Variants in ZNF143 observed in about 807,000 individuals in gnomAD.
ZNF143 encodes zinc finger protein 143.
Under a neutral mutation model 74.1 loss-of-function variants are expected in ZNF143, and 49 were observed. The observed-to-expected ratio is 0.66, with a 90% CI of 0.53 to 0.84. The LOEUF is 0.84. Among genes scored for constraint, ZNF143 ranks in the 40% least tolerant of loss-of-function variants. The pLI is 0.00. For missense variants in ZNF143, 637 were observed against 793.4 expected, an observed-to-expected ratio of 0.80 and a Z score of 2.37; for synonymous variants, 304 against 282.8, an observed-to-expected ratio of 1.07 and a Z score of -0.75.
chr11:9,461,120 G>A, intron 1 of ZNF143, 44 bp downstream of exon 1: 1 of 981,222 alleles, frequency 1.0e-6, no homozygotes, highest in Non-Finnish European at 1.2e-6. Flanking sequence ...ATTATTCTCC[G>A]CCTGGCCGCC....
chr11:9,468,860 A>G (rs1856400811), intron 1 of ZNF143, among the ~76,000 whole-genome samples: 1 of 152,034 alleles, frequency 6.6e-6, no homozygotes, highest in Non-Finnish European at 1.5e-5. Flanking sequence ...TTTTCTGGGC[A>G]CGGTGGCTCA....
chr11:9,496,523 G>A (rs571023741), intron 9 of ZNF143, 145 bp downstream of exon 9: 16 of 677,984 alleles, frequency 2.4e-5, no homozygotes, highest in East Asian at 1.4e-4. Flanking sequence ...ACTGCCTTTC[G>A]TCCTGCTTGC....
At chr11:9,490,940 C>G (rs980996754) in intron 7 of ZNF143, among the ~76,000 whole-genome samples, 1 of 152,148 alleles carries the variant, frequency 6.6e-6, no homozygotes, top group Admixed American at 6.5e-5. Context: ...CCCATGTTTC[C>G]CATGCTGGTC....
At chr11:9,466,238 C>T (rs1037644078) in intron 1 of ZNF143, among the ~76,000 whole-genome samples, 2 of 151,700 alleles carry the variant, frequency 1.3e-5, no homozygotes, top group African/African-American at 4.8e-5. Flanking sequence ...CCATCTCAGC[C>T]TCCCAGAGTG....
chr11:9,502,182 C>T (rs1287799304), intron 11 of ZNF143, among the ~76,000 whole-genome samples: 10 of 147,626 alleles, frequency 6.8e-5, no homozygotes, highest in African/African-American at 9.9e-5. Context: ...GTGATCTGCC[C>T]GCCTCGGCCT....
intron 7 of ZNF143, among the ~76,000 whole-genome samples, chr11:9,486,171 T>A (rs945921558): frequency 2.0e-5 from 3 of 147,520 alleles, no homozygotes; most frequent in African/African-American, 7.7e-5. Flanking sequence ...AATTAGACAG[T>A]GTACGTAAAG....
At chr11:9,520,926 A>AT (rs1848902795) in intron 14 of ZNF143, among the ~76,000 whole-genome samples, 1 of 152,252 alleles carries the variant, frequency 6.6e-6, no homozygotes, top group Non-Finnish European at 1.5e-5. Context: ...AAAAGCTAAT[A>AT]TATCACTTGG....
chr11:9,485,611 A>G (rs1847442541), intron 7 of ZNF143, among the ~76,000 whole-genome samples: 1 of 151,254 alleles, frequency 6.6e-6, no homozygotes, highest in Admixed American at 6.6e-5. Flanking sequence ...CCTCCCAAAG[A>G]TTATAGGCAG....
chr11:9,474,519 A>C, intron 4 of ZNF143, 31 bp from the exon 5 acceptor site: 1 of 1,611,000 alleles, frequency 6.2e-7, no homozygotes, highest in South Asian at 1.1e-5. Context: ...GCTAGAAAAC[A>C]TGAGATCTAA....
At chr11:9,488,018 A>G (rs1191732016) in intron 7 of ZNF143, among the ~76,000 whole-genome samples, 1 of 152,150 alleles carries the variant, frequency 6.6e-6, no homozygotes, top group Non-Finnish European at 1.5e-5. Context: ...TTATGATTAT[A>G]CAAACTTCTT....
At chr11:9,525,414 T>A (rs1269796139) in intron 15 of ZNF143, 28 bp downstream of exon 15, 9 of 1,613,658 alleles carry the variant, frequency 5.6e-6, no homozygotes, top group African/African-American at 1.3e-5. Flanking sequence ...CTGTCCTCAG[T>A]CGACAGCAGT....
At chr11:9,513,750 G>A (rs1186179104) in intron 13 of ZNF143, among the ~76,000 whole-genome samples, 1 of 152,162 alleles carries the variant, frequency 6.6e-6, no homozygotes, top group Non-Finnish European at 1.5e-5. Context: ...ACAAAAATTA[G>A]CTGGTGTGGT....
At chr11:9,515,008 A>G (rs980808100) in intron 13 of ZNF143, among the ~76,000 whole-genome samples, 47 of 152,102 alleles carry the variant, frequency 3.1e-4, no homozygotes, top group South Asian at 1.2e-3. Context: ...CATGCCTGTA[A>G]TCCCAGCTAC....
chr11:9,514,635 G>A (rs1458821856), intron 13 of ZNF143, among the ~76,000 whole-genome samples: 1 of 152,268 alleles, frequency 6.6e-6, no homozygotes, highest in Non-Finnish European at 1.5e-5. Flanking sequence ...TGGGTGTTCA[G>A]TTGGGTCTTG....
At chr11:9,482,626 T>C (rs1399615142) in intron 7 of ZNF143, among the ~76,000 whole-genome samples, 1 of 149,918 alleles carries the variant, frequency 6.7e-6, no homozygotes, top group Non-Finnish European at 1.5e-5. Context: ...TTGGTACCAG[T>C]AGACAAATAG....
intron 7 of ZNF143, among the ~76,000 whole-genome samples, chr11:9,487,766 A>C (rs776738429): frequency 2.6e-5 from 4 of 152,204 alleles, no homozygotes; most frequent in African/African-American, 4.8e-5. Context: ...GTTAGCTTCA[A>C]AATTGCCCTT....
chr11:9,478,170 T>A (rs759409365), intron 5 of ZNF143, among the ~76,000 whole-genome samples: 12 of 152,218 alleles, frequency 7.9e-5, no homozygotes, highest in Non-Finnish European at 1.8e-4. Flanking sequence ...AAAGTGATGT[T>A]ACTTCTCCAA....
intron 10 of ZNF143, among the ~76,000 whole-genome samples, chr11:9,499,138 A>G (rs1290904418): frequency 6.6e-6 from 1 of 152,252 alleles, no homozygotes; most frequent in African/African-American, 2.4e-5. Context: ...TTGTCAAACC[A>G]CATGTTCATA....
chr11:9,486,668 GT>G (rs1412351284), intron 7 of ZNF143, among the ~76,000 whole-genome samples: 1 of 147,570 alleles, frequency 6.8e-6, no homozygotes, highest in African/African-American at 2.6e-5. Flanking sequence ...AATGTGTTTT[GT>G]TTTGTTTTTT....
Sources: gnomAD v4.1 joint callset for allele counts (sites outside exome capture counted in the v4.1 genomes callset) on GRCh38, gnomAD v4.1.1 for gene constraint, MANE v1.5 for transcripts, NCBI Gene and HGNC (gene_info 2026-07-23, HGNC 2026-07-21) for gene names.